Variants in HS3ST1 observed in about 807,000 individuals in gnomAD.
The protein encoded by HS3ST1 is heparan sulfate-glucosamine 3-sulfotransferase 1, also known as heparan sulfate glucosamine 3-O-sulfotransferase 1.
HS3ST1 carries 8 observed loss-of-function variants against 20.7 expected under a neutral mutation model. That is an observed-to-expected ratio of 0.39 (90% confidence interval 0.23 to 0.70). HS3ST1 has a LOEUF of 0.70. Among genes scored for constraint, HS3ST1 ranks in the 30% least tolerant of loss-of-function variants. HS3ST1 has a pLI of 0.46. For synonymous variants in HS3ST1, 205 were observed against 190.4 expected, an observed-to-expected ratio of 1.08 and a Z score of -0.63; for missense variants, 436 against 423.4, an observed-to-expected ratio of 1.03 and a Z score of -0.26.
At chr4:11,426,371 C>A (rs566940147) in intron 1 of HS3ST1, among the ~76,000 whole-genome samples, 9 of 151,464 alleles carry the variant, frequency 5.9e-5, no homozygotes, top group South Asian at 2.1e-4. Flanking sequence ...AGGCCCCCCC[C>A]CCAACCCTCA....
At position 11,393,848 on chromosome 4, in the gene HS3ST1, G is replaced by T. The variant is rs953168377; in HGVS notation, c.*5234C>A. 1.1e-4 allele frequency: 17 copies of T among 152,180 alleles called. No homozygotes were observed. Among genetic ancestry groups the T allele is most frequent in the African/African-American group, 3.9e-4 (16 of 41,434 alleles). 9.4% of individuals were successfully genotyped at this position (152,180 alleles called of 1,614,324 possible). A position where few individuals can be genotyped will look rare whatever the true frequency, so the allele number is the denominator to read the frequency against. ...GGAGTGGGGTGGACAACATTTCTCAGGCATCTTCAGGTAAGAAAACTCCTG... is the reference window on the plus strand; with the variant it reads ...GGAGTGGGGTGGACAACATTTCTCATGCATCTTCAGGTAAGAAAACTCCTG... On this transcript the variant is annotated 3_prime_UTR_variant, in exon 2 of 2. Transcript: ENST00000002596.
rs192234506 is a variant in HS3ST1 at position 11,404,269 on chromosome 4, C to T, written c.-108-4156G>A. On this transcript the variant is annotated intron_variant, in intron 1 of 1. Coordinates refer to ENST00000002596, the MANE Select transcript of HS3ST1 (RefSeq NM_005114.4). ...TTCGCCATGTTGGTCAGACTGGTCT[C>T]GAACTCCTGACCTCAAGTGATCCAC... Among the ~76,000 whole-genome samples the T allele has an allele frequency of 1.5e-3, 235 of 152,238 alleles. No individual in the cohort carries two copies. In the Middle Eastern group the frequency reaches 0.021, roughly 13 times the overall value.
Position 11,393,547 on chromosome 4 carries a change from GT to G in HS3ST1, c.*5534del, listed in dbSNP as rs546385857. ...AAGCAAAGTCTGAGGGGGGATTCCTGTTTTCTTGGGAAACACATTTACTGAG... is the reference window on the plus strand; with the variant it reads ...AAGCAAAGTCTGAGGGGGGATTCCTGTTTCTTGGGAAACACATTTACTGAG... On this transcript the variant is annotated 3_prime_UTR_variant, in exon 2 of 2. Coordinates refer to ENST00000002596, the MANE Select transcript of HS3ST1 (RefSeq NM_005114.4). The G allele has an allele frequency of 1.3e-5, 2 of 152,214 alleles. No individual in the cohort carries two copies. Among genetic ancestry groups the G allele is most frequent in the Non-Finnish European group, 2.9e-5 (2 of 68,026 alleles). The allele number at this position is 152,214 out of a possible 1,614,324, so 9.4% of individuals were successfully genotyped here. A position where few individuals can be genotyped will look rare whatever the true frequency, so the allele number is the denominator to read the frequency against.
At chr4:11,411,530 T>C (rs1204056170) in intron 1 of HS3ST1, among the ~76,000 whole-genome samples, 3 of 152,206 alleles carry the variant, frequency 2.0e-5, no homozygotes, top group Non-Finnish European at 4.4e-5. Context: ...TGTTTAATCA[T>C]CTTGCTAATC....
intron 1 of HS3ST1, among the ~76,000 whole-genome samples, chr4:11,403,074 G>A (rs1192513997): frequency 6.6e-6 from 1 of 152,130 alleles, no homozygotes; most frequent in East Asian, 1.9e-4. Flanking sequence ...ATACACATAT[G>A]CAAGTATATA....
chr4:11,403,835 A>T (rs1718392704), intron 1 of HS3ST1, among the ~76,000 whole-genome samples: 1 of 152,174 alleles, frequency 6.6e-6, no homozygotes, highest in Non-Finnish European at 1.5e-5. Flanking sequence ...AAAGTGACTT[A>T]ACCTCTCTTA....
upstream of HS3ST1, among the ~76,000 whole-genome samples, chr4:11,431,633 G>A (rs902852027): frequency 6.6e-5 from 10 of 152,124 alleles, no homozygotes; most frequent in South Asian, 6.2e-4. Context: ...TTACAGACAC[G>A]CACAGACATG....
At chr4:11,427,401 C>T (rs928049808) in intron 1 of HS3ST1, among the ~76,000 whole-genome samples, 3 of 152,082 alleles carry the variant, frequency 2.0e-5, no homozygotes, top group African/African-American at 7.2e-5. Flanking sequence ...CGGACTGGCT[C>T]CTTCCGTTCT....
In HS3ST1 at chr4:11,393,880, AAG is replaced by A; in HGVS notation, c.*5200_*5201del. 1 of 152,370 alleles carries A rather than the reference AAG, an allele frequency of 6.6e-6. No individual in the cohort carries two copies. The highest frequency in any genetic ancestry group is 3.4e-3 in the Middle Eastern group (1 of 294). The allele number at this position is 152,370 out of a possible 1,614,324, so 9.4% of individuals were successfully genotyped here. A position where few individuals can be genotyped will look rare whatever the true frequency, so the allele number is the denominator to read the frequency against. ...TCAGGTAAGAAAACTCCTGCCAACT[AAG>A]AGAAATCCTTCAGAAAATAGTACAG... On this transcript the variant is annotated 3_prime_UTR_variant, in exon 2 of 2. Transcript: ENST00000002596.
intron 1 of HS3ST1, among the ~76,000 whole-genome samples, chr4:11,428,301 G>A (rs773104377): frequency 1.3e-5 from 2 of 152,202 alleles, no homozygotes; most frequent in African/African-American, 2.4e-5. Flanking sequence ...CTGGCCCCAG[G>A]TGGTACCCAG....
chr4:11,428,909 G>A, upstream of HS3ST1: 1 of 152,710 alleles, frequency 6.5e-6, no homozygotes. Context: ...TTGCAGGCGG[G>A]CGTTTTGGTG....
At chr4:11,412,197 T>G (rs1718656336) in intron 1 of HS3ST1, among the ~76,000 whole-genome samples, 1 of 152,136 alleles carries the variant, frequency 6.6e-6, no homozygotes, top group South Asian at 2.1e-4. Flanking sequence ...GTAAATAGGG[T>G]GCTGAACTGG....
intron 1 of HS3ST1, among the ~76,000 whole-genome samples, chr4:11,426,540 A>G (rs977660224): frequency 6.6e-6 from 1 of 152,172 alleles, no homozygotes; most frequent in African/African-American, 2.4e-5. Context: ...CAAGATGCCA[A>G]TTTCTCACCA....
intron 1 of HS3ST1, among the ~76,000 whole-genome samples, chr4:11,410,369 A>T (rs1198130026): frequency 6.6e-6 from 1 of 152,310 alleles, no homozygotes; most frequent in East Asian, 1.9e-4. Context: ...CACAGCAAAG[A>T]TCATGTTCGA....
intron 1 of HS3ST1, among the ~76,000 whole-genome samples, chr4:11,428,063 C>A (rs956644134): frequency 6.6e-6 from 1 of 152,180 alleles, no homozygotes; most frequent in Non-Finnish European, 1.5e-5. Context: ...AATAGAAAAC[C>A]ACGAAGGGGG....
intron 1 of HS3ST1, among the ~76,000 whole-genome samples, chr4:11,403,751 G>T (rs1213648864): frequency 2.0e-5 from 3 of 152,182 alleles, no homozygotes; most frequent in Non-Finnish European, 1.5e-5. Context: ...CATTTGTTCT[G>T]TTCAGTAGAA....
rs200285951 is a variant in HS3ST1, at chr4:11,399,370, G to C, written c.636C>G (p.Ile212Met). 1 of 1,614,096 alleles carries C rather than the reference G, an allele frequency of 6.2e-7. No individual in the cohort carries two copies. Among genetic ancestry groups the C allele is most frequent in the Non-Finnish European group, 8.5e-7 (1 of 1,180,026 alleles). ...TGAGGCGGTCGCCGTCCACAATGTG[G>C]ATGTGGCGCAGCGGGAAAAAGCGCA... Reference protein sequence around the residue: ...NWLRFFPLRHIHIVDGDRLIR... With the variant: ...NWLRFFPLRHMHIVDGDRLIR... Residue 212 changes from isoleucine (I) to methionine (M), a missense_variant, in exon 2 of 2, where the codon ATC becomes ATG. By Grantham distance (10) the Ile-to-Met change is conservative. Transcript: ENST00000002596. This position sits in a 1 kb window ranked among gnomAD's most constrained non-coding sequence, Gnocchi z 5.1.
intron 1 of HS3ST1, among the ~76,000 whole-genome samples, chr4:11,419,901 A>G (rs897674943): frequency 2.6e-5 from 4 of 152,258 alleles, no homozygotes; most frequent in African/African-American, 9.6e-5. Context: ...AATTTAATGC[A>G]CATGAAATAA....
At chr4:11,408,804 G>C (rs1718538094) in intron 1 of HS3ST1, among the ~76,000 whole-genome samples, 1 of 152,206 alleles carries the variant, frequency 6.6e-6, no homozygotes, top group Non-Finnish European at 1.5e-5. Flanking sequence ...CAGGAGACAG[G>C]ACCTGGGCTG....
Sources: gnomAD v4.1 joint callset for allele counts (sites outside exome capture counted in the v4.1 genomes callset) on GRCh38, gnomAD v4.1.1 for gene constraint, Gnocchi (gnomAD v3.1) non-coding constraint, MANE v1.5 for transcripts, NCBI Gene and HGNC (gene_info 2026-07-23, HGNC 2026-07-21) for gene names.